The following ANKS1B variants were observed in gnomAD, a reference collection of about 807,000 sequenced individuals.
The protein encoded by ANKS1B is ankyrin repeat and sterile alpha motif domain-containing protein 1B.
Under a neutral mutation model 148.3 loss-of-function variants are expected in ANKS1B, and 36 were observed. The ratio of observed to expected loss-of-function variants is 0.24; its 90% CI spans 0.19 to 0.32. The LOEUF is 0.32. Ranked by LOEUF, ANKS1B falls within the 10% of genes least tolerant of loss-of-function variation. ANKS1B has a pLI of 1.00. For synonymous variants in ANKS1B, 542 were observed against 560.8 expected, an observed-to-expected ratio of 0.97 and a Z score of 0.47; for missense variants, 1,157 against 1,542.6, an observed-to-expected ratio of 0.75 and a Z score of 4.19.
intron 17 of ANKS1B, among the ~76,000 whole-genome samples, chr12:98,922,104 T>C (rs1349994828): frequency 1.3e-5 from 2 of 152,240 alleles, no homozygotes; most frequent in Non-Finnish European, 2.9e-5. Flanking sequence ...CTAGTGTATC[T>C]ATCCTCAAGT....
At chr12:99,395,803 G>GT (rs1475345067) in intron 12 of ANKS1B, among the ~76,000 whole-genome samples, 1 of 152,082 alleles carries the variant, frequency 6.6e-6, no homozygotes, top group Non-Finnish European at 1.5e-5. Flanking sequence ...ACTTAAAAGT[G>GT]TTTTGCAGCA....
intron 1 of ANKS1B, among the ~76,000 whole-genome samples, chr12:99,941,397 A>G (rs890653521): frequency 6.6e-6 from 1 of 151,630 alleles, no homozygotes; most frequent in Non-Finnish European, 1.5e-5. Flanking sequence ...TCAAGAGATC[A>G]TTATAGGAGT....
At chr12:99,184,092 T>C (rs886277483) in intron 14 of ANKS1B, among the ~76,000 whole-genome samples, 5 of 152,214 alleles carry the variant, frequency 3.3e-5, no homozygotes, top group African/African-American at 7.2e-5. Flanking sequence ...TTTAGAATCT[T>C]ATTCATTAAA....
At chr12:99,978,342 A>T (rs1325043460) in intron 1 of ANKS1B, among the ~76,000 whole-genome samples, 1 of 152,164 alleles carries the variant, frequency 6.6e-6, no homozygotes, top group Admixed American at 6.6e-5. Flanking sequence ...CAGTGTTTTG[A>T]AAAGGGAGCT....
At chr12:98,908,352 T>C (rs1346203769) in intron 17 of ANKS1B, among the ~76,000 whole-genome samples, 1 of 152,226 alleles carries the variant, frequency 6.6e-6, no homozygotes, top group East Asian at 1.9e-4. Flanking sequence ...TTATTTCTAC[T>C]GCTGGGGAGG....
intron 4 of ANKS1B, among the ~76,000 whole-genome samples, chr12:99,805,725 T>C (rs185287342): frequency 2.0e-4 from 31 of 152,224 alleles, no homozygotes; most frequent in Admixed American, 4.6e-4. Flanking sequence ...CCTATCCAAA[T>C]CCTATTCTTC....
intron 10 of ANKS1B, among the ~76,000 whole-genome samples, chr12:99,477,240 T>C (rs547396806): frequency 2.6e-5 from 4 of 152,264 alleles, no homozygotes; most frequent in Admixed American, 6.5e-5. Context: ...CTGGCAGTTA[T>C]CTTAGAGGCT....
chr12:99,542,472 G>A (rs764195624), intron 9 of ANKS1B, among the ~76,000 whole-genome samples: 5 of 151,962 alleles, frequency 3.3e-5, no homozygotes, highest in Non-Finnish European at 7.4e-5. Context: ...TTTTTAAATG[G>A]CAATAATCTC....
chr12:99,447,938 AAGAC>A (rs1235303700), intron 10 of ANKS1B, among the ~76,000 whole-genome samples: 3 of 152,166 alleles, frequency 2.0e-5, no homozygotes, highest in Non-Finnish European at 4.4e-5. Context: ...TTTTATAAAA[AAGAC>A]AGGCAATAAC....
chr12:99,261,142 T>C (rs746872786), intron 12 of ANKS1B, among the ~76,000 whole-genome samples: 1 of 152,158 alleles, frequency 6.6e-6, no homozygotes, highest in Non-Finnish European at 1.5e-5. Context: ...CTACTCCAAA[T>C]AGGCTTTTAT....
intron 9 of ANKS1B, among the ~76,000 whole-genome samples, chr12:99,585,434 T>C (rs1390814440): frequency 6.6e-6 from 1 of 152,138 alleles, no homozygotes. Context: ...CAGGCCAGCA[T>C]TGAGTATCTG....
chr12:99,799,330 C>T (rs763485485), intron 4 of ANKS1B, among the ~76,000 whole-genome samples: 2 of 152,076 alleles, frequency 1.3e-5, no homozygotes, highest in African/African-American at 4.8e-5. Flanking sequence ...GGCTTCATCT[C>T]TTACTCCTCT....
intron 17 of ANKS1B, among the ~76,000 whole-genome samples, chr12:99,002,872 C>G (rs958991950): frequency 6.6e-6 from 1 of 152,084 alleles, no homozygotes; most frequent in Non-Finnish European, 1.5e-5. Flanking sequence ...GCTTTTGTCG[C>G]TGTGCTCTTG....
chr12:99,192,257 T>A (rs1279799302), intron 14 of ANKS1B, among the ~76,000 whole-genome samples: 1 of 152,126 alleles, frequency 6.6e-6, no homozygotes, highest in Non-Finnish European at 1.5e-5. Context: ...TTAAAAATGA[T>A]TTGAAAATTG....
chr12:98,999,738 T>C (rs1315421109), intron 17 of ANKS1B, among the ~76,000 whole-genome samples: 2 of 152,178 alleles, frequency 1.3e-5, no homozygotes, highest in African/African-American at 4.8e-5. Context: ...GGCTACAAGG[T>C]TGGTGCTTTC....
intron 17 of ANKS1B, among the ~76,000 whole-genome samples, chr12:99,026,102 G>A (rs1214162167): frequency 2.0e-5 from 3 of 152,158 alleles, no homozygotes; most frequent in Non-Finnish European, 4.4e-5. Flanking sequence ...TTAGTTGAAG[G>A]TATGTATCTA....
chr12:99,608,784 G>A (rs892891631), intron 9 of ANKS1B, among the ~76,000 whole-genome samples: 16 of 152,144 alleles, frequency 1.1e-4, no homozygotes, highest in Middle Eastern at 3.4e-3. Flanking sequence ...AGAGTCTTTA[G>A]AGGTCTCCTT....
chr12:99,325,071 T>G (rs1040734117), intron 12 of ANKS1B, among the ~76,000 whole-genome samples: 1 of 152,176 alleles, frequency 6.6e-6, no homozygotes, highest in African/African-American at 2.4e-5. Flanking sequence ...AATGATGGAC[T>G]GTATACACGA....
chr12:98,871,694 T>C (rs576249104), intron 17 of ANKS1B, among the ~76,000 whole-genome samples: 6 of 152,178 alleles, frequency 3.9e-5, no homozygotes, highest in Admixed American at 1.3e-4. Context: ...GAGGAGCTGT[T>C]TTTTTTTAAT....
Sources: allele counts gnomAD v4.1 joint callset (sites outside exome capture counted in the v4.1 genomes callset), GRCh38; gene constraint gnomAD v4.1.1; transcripts MANE v1.5; gene names NCBI Gene and HGNC (gene_info 2026-07-23, HGNC 2026-07-21).